Variants in SLC4A1 observed in about 807,000 individuals in gnomAD.
SLC4A1 encodes band 3 anion transport protein.
Under a neutral mutation model 93.1 loss-of-function variants are expected in SLC4A1, and 29 were observed. That is an observed-to-expected ratio of 0.31 (90% CI 0.23 to 0.42). SLC4A1 has a LOEUF of 0.42. Ranked by LOEUF, SLC4A1 falls within the 20% of genes least tolerant of loss-of-function variation. SLC4A1 has a pLI of 1.00. For synonymous variants in SLC4A1, 469 were observed against 497.2 expected (o/e 0.94, Z 0.76); for missense variants, 965 against 1,190.1 (o/e 0.81, Z 2.78).
intron 16 of SLC4A1, 39 bp from the exon 17 acceptor site, chr17:44,253,410 C>G: frequency 6.3e-7 from 1 of 1,588,920 alleles, no homozygotes; most frequent in Non-Finnish European, 8.6e-7. Context: ...AGGGTTCTCC[C>G]CTGCCTCCTC....
At chr17:44,252,133 T>G (rs2047348970) in intron 17 of SLC4A1, among the ~76,000 whole-genome samples, 1 of 147,188 alleles carries the variant, frequency 6.8e-6, no homozygotes, top group African/African-American at 2.5e-5. Flanking sequence ...TCAGCTCACT[T>G]CAACCTCCGC....
At chr17:44,264,128 G>C (rs1488616508) in intron 1 of SLC4A1, among the ~76,000 whole-genome samples, 1 of 152,110 alleles carries the variant, frequency 6.6e-6, no homozygotes, top group African/African-American at 2.4e-5. Flanking sequence ...TCAGCCTCCA[G>C]AGTAGCTAGC....
rs781245575 is a variant in SLC4A1, at chr17:44,258,602, T to C, written c.898A>G (p.Met300Val). 2.5e-6 allele frequency: 4 copies of C among 1,606,974 alleles called. No individual in the cohort carries two copies. The Admixed American group carries it at 5.1e-5, about 21-fold the overall frequency. Residue 300 changes from methionine to valine, a missense_variant, in exon 10 of 20, where the codon ATG (methionine) becomes GTG (valine). By Grantham distance (21) the Met-to-Val change is conservative. Coordinates refer to ENST00000262418, the MANE Select transcript of SLC4A1 (RefSeq NM_000342.4). The surrounding 1 kb of genome is among the most constrained non-coding windows in gnomAD (Gnocchi z 6.1). ...AGCAGCTCCCCTCGGCTCTGAGCCA[T>C]GTAGGCATCTATGCGGAACACCTAG... ...SERVFRIDAY[M>V]AQSRGELLHS...
chr17:44,258,590 G>T lies in SLC4A1; in HGVS notation c.910C>A (p.Arg304=). The change falls in exon 10 of 20, where the codon CGA becomes AGA. Residue 304 remains arginine (R), a synonymous_variant. Coordinates refer to ENST00000262418, the MANE Select transcript of SLC4A1 (RefSeq NM_000342.4). This position sits in a 1 kb window ranked among gnomAD's most constrained non-coding sequence, Gnocchi z 6.1. Reference sequence around the variant, plus strand: ...TCTAGGGAGTGCAGCAGCTCCCCTCGGCTCTGAGCCATGTAGGCATCTATG... The same window carrying T: ...TCTAGGGAGTGCAGCAGCTCCCCTCTGCTCTGAGCCATGTAGGCATCTATG... The part of the protein sequence containing the change: ...FRIDAYMAQS[R]GELLHSLEGF... The T allele has an allele frequency of 6.2e-7, 1 of 1,610,686 alleles. No individual in the cohort carries two copies. Among genetic ancestry groups the T allele is most frequent in the Non-Finnish European group, 8.5e-7 (1 of 1,178,790 alleles).
Position 44,251,141 on chromosome 17 carries a change from G to T in SLC4A1, c.2655+18C>A. ...CATGCTCCCAGCTCTTGTGCCCCAG[G>T]CCCAGGCAGCCACTCACACACTGAA... On this transcript the variant is annotated intron_variant, in intron 19 of 19. Transcript: ENST00000262418. The T allele has an allele frequency of 6.3e-7, 1 of 1,581,008 alleles. No homozygotes were observed. Among genetic ancestry groups the T allele is most frequent in the South Asian group, 1.1e-5 (1 of 87,362 alleles).
intron 1 of SLC4A1, among the ~76,000 whole-genome samples, chr17:44,266,849 C>G (rs1352121735): frequency 2.0e-5 from 3 of 152,266 alleles, no homozygotes; most frequent in East Asian, 3.9e-4. Context: ...AGGTATAGCA[C>G]AGCTGGGAAG....
chr17:44,256,467 G>T (rs187331798), intron 13 of SLC4A1, among the ~76,000 whole-genome samples: 2 of 152,290 alleles, frequency 1.3e-5, no homozygotes, highest in African/African-American at 4.8e-5. Context: ...ACAGAATCAG[G>T]GGACAACACA....
intron 19 of SLC4A1, 34 bp downstream of exon 19, chr17:44,251,125 A>G: frequency 6.4e-7 from 1 of 1,567,288 alleles, no homozygotes; most frequent in South Asian, 1.2e-5. Flanking sequence ...GCATGCTCCC[A>G]GCTCTTGTGC....
At chr17:44,253,017 G>T (rs2144600799) in intron 17 of SLC4A1, 101 bp downstream of exon 17, 2 of 1,229,792 alleles carry the variant, frequency 1.6e-6, no homozygotes, top group South Asian at 2.5e-5. Flanking sequence ...CAGGATGGGG[G>T]AGGCTGGAGG....
chr17:44,257,746 G>T lies in SLC4A1; in HGVS notation c.1344C>A (p.Gly448=). 6.2e-7 allele frequency: 1 copy of T among 1,614,020 alleles called. No homozygotes were observed. Among genetic ancestry groups the T allele is most frequent in the Non-Finnish European group, 8.5e-7 (1 of 1,179,998 alleles). Residue 448 remains glycine, a synonymous_variant, in exon 12 of 20, where the codon GGC becomes GGA. Transcript: ENST00000262418. ...GAGCCCCCAGCAGGGCGAAGAGAAT[G>T]CCCTGCACTGCAGTGGAGATCAGCA... ...SELLISTAVQ[G]ILFALLGAQP...
At chr17:44,255,867 A>G in intron 13 of SLC4A1, 21 bp from the exon 14 acceptor site, 1 of 1,613,950 alleles carries the variant, frequency 6.2e-7, no homozygotes, top group Non-Finnish European at 8.5e-7. Context: ...AAACCAAGGC[A>G]TTCTGTTCTC....
chr17:44,267,230 C>T (rs1054189136), intron 1 of SLC4A1, among the ~76,000 whole-genome samples: 13 of 152,188 alleles, frequency 8.5e-5, no homozygotes, highest in Admixed American at 2.0e-4. Context: ...ACGGACTCTG[C>T]AGTCGGACTG....
chr17:44,250,289 T>G lies in SLC4A1; in HGVS notation c.*169A>C. 1.6e-6 allele frequency: 1 copy of G among 627,448 alleles called. No homozygotes were observed. The highest frequency in any genetic ancestry group is 2.9e-6 in the Non-Finnish European group (1 of 346,208). The allele number at this position is 627,448 out of a possible 1,614,324, so 38.9% of individuals were successfully genotyped here. Reference sequence around the variant, plus strand: ...CCAGCCAGAAAAGCCAGGCTACCCTTTGTGGAAGGTCTCCTGGACACGCCT... The same window carrying G: ...CCAGCCAGAAAAGCCAGGCTACCCTGTGTGGAAGGTCTCCTGGACACGCCT... On this transcript the variant is annotated 3_prime_UTR_variant, in exon 20 of 20. Coordinates refer to ENST00000262418, the MANE Select transcript of SLC4A1 (RefSeq NM_000342.4).
At chr17:44,255,554 A>C in intron 14 of SLC4A1, 119 bp downstream of exon 14, 2 of 1,120,698 alleles carry the variant, frequency 1.8e-6, no homozygotes, top group Non-Finnish European at 2.7e-6. Context: ...GGAGGTTGGA[A>C]TTGGGAATGG....
Position 44,259,222 on chromosome 17 carries a change from C to A in SLC4A1, c.817G>T (p.Ala273Ser), listed in dbSNP as rs764079011. 6.2e-6 allele frequency: 10 copies of A among 1,614,030 alleles called. No individual in the cohort carries two copies. In the South Asian group the frequency reaches 1.1e-4, roughly 18 times the overall value. The change falls in exon 9 of 20, where the codon GCC becomes TCC. Residue 273 changes from alanine (A) to serine (S), a missense_variant. Physicochemically the swap from Ala to Ser is moderately conservative, Grantham distance 99 (BLOSUM62 1). This residue lies in a region of SLC4A1 where 770 missense variants were observed against 1,006.6 expected (regional missense o/e 0.76). Coordinates refer to ENST00000262418, the MANE Select transcript of SLC4A1 (RefSeq NM_000342.4). The stretch of plus-strand genomic sequence containing the variant: ...AGCTGGGTGTAATCGATGTGGGGGG[C>A]CTCAGGTCCCAGCAACACAAAGAGG... ...RFLFVLLGPE[A>S]PHIDYTQLGR...
chr17:44,254,354 T>C (rs896892955), intron 16 of SLC4A1, 142 bp downstream of exon 16: 6 of 755,562 alleles, frequency 7.9e-6, no homozygotes, highest in Non-Finnish European at 1.4e-5. Context: ...CCCCTGGCTT[T>C]TCACTATTCC....
chr17:44,261,754 TG>T, intron 3 of SLC4A1, 118 bp from the exon 4 acceptor site: 1 of 1,521,272 alleles, frequency 6.6e-7, no homozygotes, highest in Non-Finnish European at 9.0e-7. Flanking sequence ...CCCAGTGCCC[TG>T]GGCTGGGTCT....
At chr17:44,250,680 C>A (rs919981003) in intron 19 of SLC4A1, 142 bp from the exon 20 acceptor site, 1 of 694,528 alleles carries the variant, frequency 1.4e-6, no homozygotes, top group East Asian at 2.7e-5. Context: ...ATCTCCCCAG[C>A]AGCTAGGACT....
chr17:44,250,253 A>G lies in SLC4A1; in HGVS notation c.*205T>C, dbSNP rs983403120. On this transcript the variant is annotated 3_prime_UTR_variant, in exon 20 of 20. Coordinates refer to ENST00000262418, the MANE Select transcript of SLC4A1 (RefSeq NM_000342.4). Reference sequence around the variant, plus strand: ...CAACAAACCCCCTAATGTGGGCCCCATCGGCCATCCCCAGCCAGAAAAGCC... The same window carrying G: ...CAACAAACCCCCTAATGTGGGCCCCGTCGGCCATCCCCAGCCAGAAAAGCC... The G allele has an allele frequency of 3.7e-5, 21 of 573,048 alleles. 1 individual carries two copies. The highest frequency in any genetic ancestry group is 4.7e-4 in the Middle Eastern group (1 of 2,120). 35.5% of individuals were successfully genotyped at this position (573,048 alleles called of 1,614,324 possible). A position where few individuals can be genotyped will look rare whatever the true frequency, so the allele number is the denominator to read the frequency against.
Sources: allele counts gnomAD v4.1 joint callset (sites outside exome capture counted in the v4.1 genomes callset), GRCh38; gene constraint gnomAD v4.1.1; regional missense constraint gnomAD v4.1.1; non-coding constraint Gnocchi (gnomAD v3.1); transcripts MANE v1.5; gene names NCBI Gene and HGNC (gene_info 2026-07-23, HGNC 2026-07-21).